RSU1: variants seen among roughly 807,000 people sequenced by gnomAD.
RSU1 encodes the protein rsu-1.
In RSU1, 26 loss-of-function variants were observed where a neutral mutation model predicts 31.1. The observed-to-expected ratio is 0.84, with a 90% CI of 0.61 to 1.16. The LOEUF is 1.16. Ranked by LOEUF, RSU1 falls within the 50% of genes most tolerant of loss-of-function variation. The pLI is 0.00. For missense variants in RSU1, 320 were observed against 339.1 expected (o/e 0.94, Z 0.44); for synonymous variants, 164 against 136.3 (o/e 1.20, Z -1.41).
intron 2 of RSU1, among the ~76,000 whole-genome samples, chr10:16,805,546 G>A (rs979649487): frequency 3.3e-5 from 5 of 150,890 alleles, no homozygotes; most frequent in Admixed American, 6.6e-5. Context: ...CGTTGTGGCG[G>A]GCGCCTGTAA....
intron 7 of RSU1, among the ~76,000 whole-genome samples, chr10:16,740,252 C>G (rs965563898): frequency 6.6e-6 from 1 of 151,690 alleles, no homozygotes; most frequent in Admixed American, 6.6e-5. Context: ...AAGGAAGATA[C>G]AAAAAATAAA....
At position 16,603,040 on chromosome 10, in the gene RSU1, T is replaced by G. The variant is rs115262350; in HGVS notation, c.732-9544A>C. On this transcript the variant is annotated intron_variant, in intron 8 of 8. Transcript: ENST00000345264. ...AGTCTCATTAATTCAAAAGGAAATG[T>G]TTTTTTTTCTTTTTGAGATCAAACC... Among the ~76,000 whole-genome samples the G allele has an allele frequency of 3.7e-3, 561 of 151,388 alleles. 2 individuals are homozygous for G. The highest frequency in any genetic ancestry group is 0.013 in the African/African-American group (528 of 41,288).
At chr10:16,725,341 A>G (rs1055127936) in intron 7 of RSU1, among the ~76,000 whole-genome samples, 3 of 152,214 alleles carry the variant, frequency 2.0e-5, no homozygotes, top group African/African-American at 7.2e-5. Context: ...CAGTATCTAC[A>G]AGATTCCAGT....
chr10:16,773,387 T>C (rs1230592989), intron 3 of RSU1, among the ~76,000 whole-genome samples: 1 of 152,102 alleles, frequency 6.6e-6, no homozygotes, highest in African/African-American at 2.4e-5. Context: ...GCTTTGATCA[T>C]TCCCTTCGAA....
intron 7 of RSU1, among the ~76,000 whole-genome samples, chr10:16,739,537 C>T (rs1331814375): frequency 7.7e-6 from 1 of 129,778 alleles, no homozygotes; most frequent in African/African-American, 3.0e-5. Context: ...GTGGCGCAAT[C>T]TCGGCTCACT....
chr10:16,652,392 C>CAAAA lies in RSU1; in HGVS notation c.731+42627_731+42630dup, dbSNP rs71505091. On this transcript the variant is annotated intron_variant, in intron 8 of 8. Coordinates refer to ENST00000345264, the MANE Select transcript of RSU1 (RefSeq NM_012425.4). ...AAGAGATGATTCACCTGCCCCAAAG[C>CAAAA]AAAAAAAAAAAAAAAAAAAACCCGA... Among the ~76,000 whole-genome samples, 171 of 89,104 alleles carry CAAAA rather than the reference C, an allele frequency of 1.9e-3. 4 individuals carry two copies. The highest frequency in any genetic ancestry group is 4.8e-3 in the East Asian group (14 of 2,894). 58.5% of individuals were successfully genotyped at this position (89,104 alleles called of 152,430 possible).
intron 8 of RSU1, among the ~76,000 whole-genome samples, chr10:16,599,683 G>A (rs973535299): frequency 6.6e-6 from 1 of 152,244 alleles, no homozygotes; most frequent in African/African-American, 2.4e-5. Flanking sequence ...TGGGCACACA[G>A]TAGGCATTTC....
chr10:16,713,799 T>C (rs181415702), intron 7 of RSU1, among the ~76,000 whole-genome samples: 260 of 152,320 alleles, frequency 1.7e-3, no homozygotes, highest in African/African-American at 6.0e-3. Context: ...TCTAGTGGAA[T>C]AGTGACCCTT....
At chr10:16,706,377 T>G (rs532203573) in intron 7 of RSU1, among the ~76,000 whole-genome samples, 40 of 152,318 alleles carry the variant, frequency 2.6e-4, no homozygotes, top group African/African-American at 9.6e-4. Context: ...TTTCATGTGC[T>G]TATTGGCCAT....
intron 8 of RSU1, among the ~76,000 whole-genome samples, chr10:16,624,259 T>A (rs1314396868): frequency 7.2e-5 from 11 of 152,086 alleles, no homozygotes; most frequent in Non-Finnish European, 1.6e-4. Context: ...AATAATGTAA[T>A]GGCTGGTAGA....
intron 7 of RSU1, among the ~76,000 whole-genome samples, chr10:16,731,899 T>C (rs1397944493): frequency 6.6e-6 from 1 of 152,194 alleles, no homozygotes; most frequent in Non-Finnish European, 1.5e-5. Context: ...CCGATATTGT[T>C]GGGACAGGGC....
At chr10:16,672,827 T>G (rs558764417) in intron 8 of RSU1, among the ~76,000 whole-genome samples, 2 of 152,344 alleles carry the variant, frequency 1.3e-5, no homozygotes, top group Admixed American at 1.3e-4. Flanking sequence ...GTTTTACAGA[T>G]GTATATATTT....
intron 8 of RSU1, among the ~76,000 whole-genome samples, chr10:16,619,239 G>C (rs939748136): frequency 6.6e-6 from 1 of 152,224 alleles, no homozygotes; most frequent in African/African-American, 2.4e-5. Flanking sequence ...AATATTCTAT[G>C]CCTTCTGCCA....
At chr10:16,736,392 C>A (rs569312644) in intron 7 of RSU1, among the ~76,000 whole-genome samples, 1 of 152,160 alleles carries the variant, frequency 6.6e-6, no homozygotes, top group African/African-American at 2.4e-5. Flanking sequence ...TGTTACTAAG[C>A]ACCCTGGTCA....
At chr10:16,614,477 A>G (rs1833943008) in intron 8 of RSU1, among the ~76,000 whole-genome samples, 1 of 152,192 alleles carries the variant, frequency 6.6e-6, no homozygotes. Flanking sequence ...AGAGAATTGT[A>G]ATCAATAATT....
chr10:16,764,352 C>G, intron 4 of RSU1, 38 bp downstream of exon 4: 4 of 1,586,490 alleles, frequency 2.5e-6, no homozygotes, highest in Non-Finnish European at 3.4e-6. Context: ...CCCTTCCACT[C>G]TCTTCCTCTC....
At chr10:16,767,033 A>AG (rs1022382960) in intron 3 of RSU1, among the ~76,000 whole-genome samples, 1 of 151,636 alleles carries the variant, frequency 6.6e-6, no homozygotes, top group African/African-American at 2.4e-5. Flanking sequence ...AAAAAAAAAA[A>AG]AAAAGAAAAG....
Position 16,592,314 on chromosome 10 carries a change from A to G in RSU1, c.*1080T>C, listed in dbSNP as rs1403042847. The stretch of plus-strand genomic sequence containing the variant: ...TTTGTGTCGGCCTTCTGGGGTTGAC[A>G]GCCCTTTCAGTGAGCACAAAACCTC... On this transcript the variant is annotated 3_prime_UTR_variant, in exon 9 of 9. Transcript: ENST00000345264. 1 of 152,200 alleles carries G rather than the reference A, an allele frequency of 6.6e-6. No homozygotes were observed. The highest frequency in any genetic ancestry group is 2.4e-5 in the African/African-American group (1 of 41,450). 9.4% of individuals were successfully genotyped at this position (152,200 alleles called of 1,614,324 possible).
chr10:16,772,075 T>C (rs574006351), intron 3 of RSU1, among the ~76,000 whole-genome samples: 5 of 152,342 alleles, frequency 3.3e-5, no homozygotes, highest in African/African-American at 1.2e-4. Flanking sequence ...GCCTAAGTCA[T>C]TTTAGTAAAC....
Sources: gnomAD v4.1 joint callset for allele counts (sites outside exome capture counted in the v4.1 genomes callset) on GRCh38, gnomAD v4.1.1 for gene constraint, MANE v1.5 for transcripts, NCBI Gene and HGNC (gene_info 2026-07-23, HGNC 2026-07-21) for gene names.